C16orf89: variants seen among roughly 807,000 people sequenced by gnomAD.
C16orf89 encodes chromosome 16 open reading frame 89.
A neutral mutation model predicts 41.5 loss-of-function variants in C16orf89; 57 were observed. That is an observed-to-expected ratio of 1.38 (90% CI 1.11 to 1.71). The LOEUF is 1.71. C16orf89 is among the 40% of genes most tolerant of loss of function. The pLI is 0.00. For synonymous variants in C16orf89, 223 were observed against 190.6 expected (o/e 1.17, Z -1.40); for missense variants, 575 against 445.9 (o/e 1.29, Z -2.61).
chr16:5,051,793 T>G lies in C16orf89; in HGVS notation c.868+3453A>C, dbSNP rs1051344817. Among the ~76,000 whole-genome samples the G allele has an allele frequency of 2.6e-5, 4 of 152,228 alleles. No homozygotes were observed. In the East Asian group the frequency reaches 7.7e-4, roughly 29 times the overall value. On this transcript the variant is annotated intron_variant, in intron 6 of 7. Coordinates refer to ENST00000472572, the MANE Select transcript of C16orf89 (RefSeq NM_001098514.3). ...CACATTACTGGACTTCAAAATATGC[T>G]TCAAGGCTATAGGAAACAAAATATG...
In C16orf89 at chr16:5,062,481, G is replaced by T; in HGVS notation, c.302C>A (p.Ala101Asp). 6.2e-7 allele frequency: 1 copy of T among 1,614,092 alleles called. No individual in the cohort carries two copies. Among genetic ancestry groups the T allele is most frequent in the Non-Finnish European group, 8.5e-7 (1 of 1,179,962 alleles). ...RVGMLGEKLE[A>D]AIQRSLHYLK... ...GTAGTGGAGGGATCTCTGGATGGCA[G>T]CCTCCAGCTTCTCCCCCAGCATCCC... Residue 101 changes from alanine to aspartate, a missense_variant, in exon 2 of 8, where the codon GCT becomes GAT. By Grantham distance (126) the Ala-to-Asp change is moderately radical. Coordinates refer to ENST00000472572, the MANE Select transcript of C16orf89 (RefSeq NM_001098514.3).
Position 5,058,488 on chromosome 16 carries a change from C to T in C16orf89, c.627+5G>A, listed in dbSNP as rs778808233. 6.3e-7 allele frequency: 1 copy of T among 1,594,676 alleles called. No individual in the cohort carries two copies. The highest frequency in any genetic ancestry group is 8.6e-7 in the Non-Finnish European group (1 of 1,165,108). Reference sequence around the variant, plus strand: ...TGGCACGGCGGGGGCTCCCTGGGCACTCACCATTCTGGCCCAGAGGAAGAA... The same window carrying T: ...TGGCACGGCGGGGGCTCCCTGGGCATTCACCATTCTGGCCCAGAGGAAGAA... On this transcript the variant is annotated splice_donor_5th_base_variant and intron_variant, in intron 4 of 7. Transcript: ENST00000472572.
At position 5,062,552 on chromosome 16, in the gene C16orf89, C is replaced by T. The variant is rs925765691; in HGVS notation, c.231G>A (p.Glu77=). The T allele has an allele frequency of 9.9e-6, 16 of 1,612,018 alleles. No individual in the cohort carries two copies. Among genetic ancestry groups the T allele is most frequent in the Admixed American group, 8.4e-5 (5 of 59,500 alleles). The change falls in exon 2 of 8, where the codon GAG becomes GAA. Residue 77 remains glutamate (E), a synonymous_variant. Coordinates refer to ENST00000472572, the MANE Select transcript of C16orf89 (RefSeq NM_001098514.3). ...VLEEQLKSVR[E]KWAQEPLLQP... ...GCAGCAGGGGCTCCTGGGCCCACTTCTCCCGGACACTTTTTAGCTGCTCTG... is the reference window on the plus strand; with the variant it reads ...GCAGCAGGGGCTCCTGGGCCCACTTTTCCCGGACACTTTTTAGCTGCTCTG...
intron 2 of C16orf89, 24 bp downstream of exon 2, chr16:5,062,401 A>G (rs767923857): frequency 6.3e-7 from 1 of 1,593,214 alleles, no homozygotes; most frequent in Non-Finnish European, 8.6e-7. Context: ...TCCTGAGGGA[A>G]TGGGACACCC....
At chr16:5,043,267 C>G (rs958424236), downstream of C16orf89, 3 of 154,210 alleles carry the variant, frequency 1.9e-5, no homozygotes, top group Non-Finnish European at 4.3e-5. Context: ...GTTGCCCAGG[C>G]TGGTCTCGAA....
chr16:5,052,060 C>G (rs146750476), intron 6 of C16orf89, among the ~76,000 whole-genome samples: 2 of 135,478 alleles, frequency 1.5e-5, no homozygotes, highest in South Asian at 2.3e-4. Context: ...CAAGACTGTG[C>G]TACGGCACAC....
chr16:5,055,810 A>C, intron 5 of C16orf89: 2 of 1,424,596 alleles, frequency 1.4e-6, no homozygotes, highest in Non-Finnish European at 9.5e-7. Flanking sequence ...AATGAATATA[A>C]TTTTTGAGTG....
chr16:5,044,637 T>G, intron 7 of C16orf89, 159 bp from the exon 8 acceptor site: 2 of 1,377,724 alleles, frequency 1.5e-6, no homozygotes, highest in Non-Finnish European at 2.0e-6. Flanking sequence ...AGATCAGGAG[T>G]TCGAGACCAG....
rs1038196961 is a variant in C16orf89, at chr16:5,059,676, A to G, written c.509+610T>C. ...TGTTCCAAGCCCACCAAACACCAGG[A>G]TAAAATGAGGAGCCCAGCTAGGCTC... On this transcript the variant is annotated intron_variant, in intron 3 of 7. Transcript: ENST00000472572. 3.9e-5 allele frequency among the ~76,000 whole-genome samples: 6 copies of G among 152,106 alleles called. No individual in the cohort carries two copies. In the South Asian group the frequency reaches 6.2e-4, roughly 16 times the overall value.
intron 5 of C16orf89, 98 bp downstream of exon 5, chr16:5,055,955 G>A: frequency 2.1e-6 from 1 of 471,024 alleles, no homozygotes; most frequent in East Asian, 2.9e-5. Flanking sequence ...GTGTGTGTGT[G>A]TGTGTGTGTG....
At chr16:5,053,066 T>C (rs1177108367) in intron 6 of C16orf89, among the ~76,000 whole-genome samples, 1 of 152,134 alleles carries the variant, frequency 6.6e-6, no homozygotes, top group African/African-American at 2.4e-5. Flanking sequence ...ATGTGGAAGC[T>C]AAAAAAGTTG....
chr16:5,058,462 C>A (rs777154862), intron 4 of C16orf89, 31 bp downstream of exon 4: 2 of 1,550,810 alleles, frequency 1.3e-6, no homozygotes, highest in Non-Finnish European at 8.9e-7. Context: ...TCCCCTTCCC[C>A]TGGCACGGCG....
At chr16:5,064,076 G>A (rs1055068100) in intron 1 of C16orf89, among the ~76,000 whole-genome samples, 10 of 152,110 alleles carry the variant, frequency 6.6e-5, no homozygotes, top group Non-Finnish European at 1.3e-4. Flanking sequence ...AGTGAGCTGA[G>A]GTGGCACCAC....
intron 5 of C16orf89, 145 bp downstream of exon 5, chr16:5,055,907 CT>C: frequency 7.9e-7 from 1 of 1,259,144 alleles, no homozygotes; most frequent in Non-Finnish European, 1.1e-6. Context: ...ACTGAGCACT[CT>C]GTATTTTTAC....
intron 1 of C16orf89, among the ~76,000 whole-genome samples, chr16:5,064,486 C>T (rs1956694929): frequency 6.6e-6 from 1 of 152,224 alleles, no homozygotes; most frequent in Non-Finnish European, 1.5e-5. Context: ...TACTCCCATC[C>T]ACCAGCTGCA....
At chr16:5,045,654 A>G (rs1422255876) in intron 7 of C16orf89, among the ~76,000 whole-genome samples, 1 of 152,162 alleles carries the variant, frequency 6.6e-6, no homozygotes, top group Non-Finnish European at 1.5e-5. Context: ...GCTTTGCACG[A>G]TGATCAGTTG....
At chr16:5,047,988 C>A (rs1246052985) in intron 6 of C16orf89, 24 bp from the exon 7 acceptor site, 22 of 1,237,274 alleles carry the variant, frequency 1.8e-5, no homozygotes, top group Admixed American at 5.2e-5. Flanking sequence ...AAAAGTTGAA[C>A]TTCTCAAGAG....
chr16:5,054,473 C>T (rs1048959437), intron 6 of C16orf89, among the ~76,000 whole-genome samples: 5 of 152,294 alleles, frequency 3.3e-5, no homozygotes, highest in African/African-American at 1.2e-4. Context: ...CTCACCCTGT[C>T]GTCTCCTTTA....
At chr16:5,055,598 G>T in intron 5 of C16orf89, 1 of 1,324,042 alleles carries the variant, frequency 7.6e-7, no homozygotes, top group South Asian at 1.4e-5. Context: ...ATCAGTGGAG[G>T]AGTTTGGACA....
Sources: gnomAD v4.1 joint callset for allele counts (sites outside exome capture counted in the v4.1 genomes callset) on GRCh38, gnomAD v4.1.1 for gene constraint, MANE v1.5 for transcripts, NCBI Gene and HGNC (gene_info 2026-07-23, HGNC 2026-07-21) for gene names.